Variants in LRP1B observed in about 807,000 individuals in gnomAD.
LRP1B encodes low-density lipoprotein receptor-related protein 1B.
In LRP1B, 217 loss-of-function variants were observed where a neutral mutation model predicts 556.6. The observed-to-expected ratio is 0.39, with a 90% confidence interval of 0.35 to 0.44. LRP1B has a LOEUF of 0.44. Among genes scored for constraint, LRP1B ranks in the 20% least tolerant of loss-of-function variants. The pLI, the probability that LRP1B is intolerant of heterozygous loss-of-function variation, is 1.00. For synonymous variants in LRP1B, 2,047 were observed against 1,865.8 expected, an observed-to-expected ratio of 1.10 and a Z score of -2.50; for missense variants, 5,053 against 5,620.8, an observed-to-expected ratio of 0.90 and a Z score of 3.23.
chr2:141,048,981 C>CT lies in LRP1B; in HGVS notation c.1789+4dup. The CT allele has an allele frequency of 6.3e-7, 1 of 1,594,960 alleles. No homozygotes were observed. Among genetic ancestry groups the CT allele is most frequent in the Non-Finnish European group, 8.6e-7 (1 of 1,162,856 alleles). ...GTTTGATGTTAATGTCACAGTGTCA[C>CT]TTACCATCTTTCAGGATGGTTTCTC... On this transcript the variant is annotated splice_donor_region_variant and intron_variant, in intron 11 of 90. Transcript: ENST00000389484.
chr2:141,755,971 T>C (rs1166163325), intron 2 of LRP1B, among the ~76,000 whole-genome samples: 2 of 141,788 alleles, frequency 1.4e-5, no homozygotes, highest in Non-Finnish European at 3.1e-5. Context: ...TTCACACAAA[T>C]AGGTTTGCAC....
At position 140,375,878 on chromosome 2, in the gene LRP1B, CTTT is replaced by C. The variant is rs550717413; in HGVS notation, c.10638+2299_10638+2301del. 5.0e-3 allele frequency among the ~76,000 whole-genome samples: 767 copies of C among 152,082 alleles called. 6 individuals carry two copies. The highest frequency in any genetic ancestry group is 8.4e-3 in the Non-Finnish European group (569 of 67,934). On this transcript the variant is annotated intron_variant, in intron 68 of 90. Transcript: ENST00000389484. ...ATTGAACCATATTTTTAAACTTCTT[CTTT>C]GTTGTTTTGTTATTAACAAGCTAAT...
chr2:141,608,154 G>A (rs1040342430), intron 2 of LRP1B, among the ~76,000 whole-genome samples: 1 of 152,056 alleles, frequency 6.6e-6, no homozygotes, highest in African/African-American at 2.4e-5. Flanking sequence ...AACCCGGGAG[G>A]TGGAGGTTGC....
chr2:142,034,116 T>C (rs78597780), intron 1 of LRP1B, among the ~76,000 whole-genome samples: 187 of 151,846 alleles, frequency 1.2e-3, no homozygotes, highest in African/African-American at 4.2e-3. Flanking sequence ...CACTCAAATC[T>C]GCCCTCTCCA....
In LRP1B at chr2:141,749,857, A is replaced by G. The variant is rs375641783; in HGVS notation, c.205+60422T>C. ...TAAAATATCCTGGGGATTGAAGGTG[A>G]TAATAATGCCTGGATGCTTGAAACA... On this transcript the variant is annotated intron_variant, in intron 2 of 90. Coordinates refer to ENST00000389484, the MANE Select transcript of LRP1B (RefSeq NM_018557.3). Among the ~76,000 whole-genome samples the G allele has an allele frequency of 9.5e-4, 145 of 152,242 alleles. 3 individuals carry two copies. In the South Asian group the frequency reaches 0.025, roughly 26 times the overall value.
chr2:140,313,723 C>G (rs891623569), intron 83 of LRP1B, among the ~76,000 whole-genome samples: 11 of 151,702 alleles, frequency 7.3e-5, no homozygotes, highest in African/African-American at 2.4e-4. Context: ...TTCCTTGAAC[C>G]TGAATTCTTA....
intron 34 of LRP1B, among the ~76,000 whole-genome samples, chr2:140,769,724 A>G (rs1374883146): frequency 2.6e-5 from 4 of 151,966 alleles, no homozygotes; most frequent in Non-Finnish European, 5.9e-5. Flanking sequence ...TCTCTCAACC[A>G]AAATTTATTC....
chr2:140,535,497 A>T (rs1690912007), intron 46 of LRP1B, among the ~76,000 whole-genome samples: 1 of 152,150 alleles, frequency 6.6e-6, no homozygotes, highest in Non-Finnish European at 1.5e-5. Context: ...TGGATCTCAC[A>T]GATTCTGTCT....
At chr2:141,085,079 A>G (rs1162672533) in intron 7 of LRP1B, among the ~76,000 whole-genome samples, 4 of 144,192 alleles carry the variant, frequency 2.8e-5, no homozygotes, top group Admixed American at 7.2e-5. Context: ...TAGACTCACC[A>G]ATTGTTAAAA....
At chr2:141,673,522 C>T (rs762321687) in intron 2 of LRP1B, among the ~76,000 whole-genome samples, 7 of 152,130 alleles carry the variant, frequency 4.6e-5, no homozygotes, top group Non-Finnish European at 1.0e-4. Flanking sequence ...TATTTCAATA[C>T]ATCAAGTTTC....
intron 2 of LRP1B, among the ~76,000 whole-genome samples, chr2:141,794,763 C>T (rs557507134): frequency 1.6e-4 from 25 of 151,910 alleles, no homozygotes; most frequent in Admixed American, 4.6e-4. Context: ...ACAGTACCAA[C>T]GAAATAAAGT....
chr2:141,994,662 A>T (rs1702438310), intron 1 of LRP1B, among the ~76,000 whole-genome samples: 1 of 152,184 alleles, frequency 6.6e-6, no homozygotes, highest in Non-Finnish European at 1.5e-5. Context: ...AAATGTAAGG[A>T]TATCATGAAA....
chr2:141,039,258 G>T (rs955419253), intron 11 of LRP1B, among the ~76,000 whole-genome samples: 115 of 152,140 alleles, frequency 7.6e-4, no homozygotes, highest in African/African-American at 2.7e-3. Flanking sequence ...GTACAGTAAG[G>T]TATTTTGAGA....
intron 2 of LRP1B, among the ~76,000 whole-genome samples, chr2:141,612,064 A>G (rs1008436386): frequency 2.0e-5 from 3 of 152,336 alleles, no homozygotes; most frequent in Non-Finnish European, 2.9e-5. Flanking sequence ...GTATGCTTGC[A>G]CAGAAAGCTG....
chr2:142,088,065 T>C (rs1706013246), intron 1 of LRP1B, among the ~76,000 whole-genome samples: 1 of 152,128 alleles, frequency 6.6e-6, no homozygotes, highest in Non-Finnish European at 1.5e-5. Context: ...CTACAGGTTT[T>C]CTTTGAATTT....
chr2:141,441,301 C>T (rs571048908), intron 3 of LRP1B, among the ~76,000 whole-genome samples: 8 of 152,136 alleles, frequency 5.3e-5, no homozygotes, highest in Non-Finnish European at 7.4e-5. Flanking sequence ...TAGTCTTGAA[C>T]GCCTGACTGC....
chr2:141,829,048 A>T (rs1354028806), intron 1 of LRP1B, among the ~76,000 whole-genome samples: 1 of 152,056 alleles, frequency 6.6e-6, no homozygotes, highest in Non-Finnish European at 1.5e-5. Context: ...AATAAGATAT[A>T]TAAAGGACCT....
intron 3 of LRP1B, among the ~76,000 whole-genome samples, chr2:141,355,815 A>G (rs1688607163): frequency 6.6e-6 from 1 of 152,146 alleles, no homozygotes. Context: ...TAATAATATT[A>G]TTGATCTTGC....
chr2:140,445,789 CACA>C (rs1686632511), intron 63 of LRP1B, among the ~76,000 whole-genome samples: 1 of 152,006 alleles, frequency 6.6e-6, no homozygotes, highest in Non-Finnish European at 1.5e-5. Flanking sequence ...CCTAAGGATG[CACA>C]ACTTTTAAGT....
Sources: gnomAD v4.1 joint callset for allele counts (sites outside exome capture counted in the v4.1 genomes callset) on GRCh38, gnomAD v4.1.1 for gene constraint, MANE v1.5 for transcripts, NCBI Gene and HGNC (gene_info 2026-07-23, HGNC 2026-07-21) for gene names.